The following AGBL1 variants were observed in gnomAD, a reference collection of about 807,000 sequenced individuals.
AGBL1 encodes the protein AGBL carboxypeptidase 1, also known as cytosolic carboxypeptidase 4.
In AGBL1, 130 loss-of-function variants were observed where a neutral mutation model predicts 118.9. That is an observed-to-expected ratio of 1.09 (90% CI 0.95 to 1.26). The LOEUF is 1.26. Among genes scored for constraint, AGBL1 ranks in the 50% most tolerant of loss-of-function variants. The probability of loss-of-function intolerance (pLI) is 0.00; values close to 1 mark genes in which losing one functional copy is unlikely to be tolerated. For synonymous variants in AGBL1, 555 were observed against 478.9 expected (o/e 1.16, Z -2.08); for missense variants, 1,584 against 1,298.1 (o/e 1.22, Z -3.38).
At chr15:86,833,506 A>C (rs77898637) in intron 22 of AGBL1, among the ~76,000 whole-genome samples, 4,370 of 152,022 alleles carry the variant, frequency 0.029, 192 homozygotes, top group African/African-American at 0.099. Flanking sequence ...GCCATGCAAA[A>C]CTTGCCTTTT....
chr15:86,397,618 G>A (rs1205957230), intron 18 of AGBL1, 72 bp downstream of exon 18: 35 of 1,427,176 alleles, frequency 2.5e-5, no homozygotes, highest in Non-Finnish European at 8.6e-6. Context: ...TCACCAAGTA[G>A]GCGTGATTGG....
intron 18 of AGBL1, among the ~76,000 whole-genome samples, chr15:86,407,134 A>C (rs1272196378): frequency 6.6e-6 from 1 of 152,150 alleles, no homozygotes; most frequent in Non-Finnish European, 1.5e-5. Flanking sequence ...TGTCAATCTG[A>C]TTGGATAAAC....
intron 22 of AGBL1, among the ~76,000 whole-genome samples, chr15:86,902,252 A>G (rs1428505379): frequency 6.6e-6 from 1 of 152,146 alleles, no homozygotes; most frequent in Non-Finnish European, 1.5e-5. Context: ...TGGCTCATCT[A>G]TCTCCTCTCC....
At chr15:86,858,860 C>G (rs1359984072) in intron 22 of AGBL1, among the ~76,000 whole-genome samples, 1 of 152,170 alleles carries the variant, frequency 6.6e-6, no homozygotes, top group African/African-American at 2.4e-5. Flanking sequence ...ACCACTGTGT[C>G]TTTCTTATCA....
chr15:86,191,251 G>C (rs537724331), intron 5 of AGBL1, among the ~76,000 whole-genome samples: 1 of 150,428 alleles, frequency 6.6e-6, no homozygotes, highest in Non-Finnish European at 1.5e-5. Context: ...GGGAGGCTGA[G>C]GCAGGAGAAT....
At chr15:86,972,914 A>T (rs1352799791) in intron 23 of AGBL1, among the ~76,000 whole-genome samples, 1 of 151,960 alleles carries the variant, frequency 6.6e-6, no homozygotes, top group East Asian at 1.9e-4. Flanking sequence ...CCCAGAATCA[A>T]ATTTCTGGAG....
rs1567242815 is a variant in AGBL1 at position 86,410,834 on chromosome 15, A to AT, written c.2555+13289dup. Among the ~76,000 whole-genome samples the AT allele has an allele frequency of 8.7e-4, 92 of 106,114 alleles. 2 individuals carry two copies. Among genetic ancestry groups the AT allele is most frequent in the African/African-American group, 3.6e-3 (87 of 23,946 alleles). 69.6% of individuals were successfully genotyped at this position (106,114 alleles called of 152,430 possible). ...TATATATATATATATATATATATAT[A>AT]TATATATAATATACTATTTTATATA... On this transcript the variant is annotated intron_variant, in intron 18 of 22. Coordinates refer to ENST00000614907, the MANE Select transcript of AGBL1 (RefSeq NM_001386094.1).
intron 18 of AGBL1, among the ~76,000 whole-genome samples, chr15:86,472,810 T>C (rs2082496097): frequency 6.6e-6 from 1 of 152,142 alleles, no homozygotes; most frequent in East Asian, 1.9e-4. Context: ...TCCCAGCTAC[T>C]TGGGAGGCTG....
intron 18 of AGBL1, among the ~76,000 whole-genome samples, chr15:86,401,778 T>C (rs891596604): frequency 1.3e-5 from 2 of 152,200 alleles, no homozygotes; most frequent in African/African-American, 4.8e-5. Context: ...GCTTTATTTC[T>C]GGATATTCTA....
At chr15:86,751,982 T>C (rs1170713469) in intron 22 of AGBL1, among the ~76,000 whole-genome samples, 2 of 152,132 alleles carry the variant, frequency 1.3e-5, no homozygotes, top group African/African-American at 4.8e-5. Flanking sequence ...TCTAAGTTGT[T>C]CTGGAATGAT....
intron 5 of AGBL1, among the ~76,000 whole-genome samples, chr15:86,177,370 T>A (rs1407526917): frequency 6.6e-6 from 1 of 152,152 alleles, no homozygotes; most frequent in Non-Finnish European, 1.5e-5. Flanking sequence ...TAACCCTTTC[T>A]GAATAATTGA....
intron 22 of AGBL1, among the ~76,000 whole-genome samples, chr15:86,897,567 A>G (rs1235021383): frequency 6.6e-6 from 1 of 151,452 alleles, no homozygotes; most frequent in Non-Finnish European, 1.5e-5. Context: ...TTTCATATTT[A>G]TTACATTTTT....
At chr15:86,422,161 A>G (rs1448951956) in intron 18 of AGBL1, among the ~76,000 whole-genome samples, 1 of 152,226 alleles carries the variant, frequency 6.6e-6, no homozygotes, top group Non-Finnish European at 1.5e-5. Flanking sequence ...TCAGCACTGC[A>G]TAGCACTTAA....
chr15:86,797,354 G>C (rs1161193236), intron 22 of AGBL1, among the ~76,000 whole-genome samples: 1 of 152,206 alleles, frequency 6.6e-6, no homozygotes, highest in Non-Finnish European at 1.5e-5. Flanking sequence ...AGGAGGCTGT[G>C]TCTTCATGCT....
At chr15:86,754,274 C>A (rs2077900405) in intron 22 of AGBL1, among the ~76,000 whole-genome samples, 1 of 152,102 alleles carries the variant, frequency 6.6e-6, no homozygotes, top group African/African-American at 2.4e-5. Flanking sequence ...TTTGTCTTTT[C>A]ATGCAGATAT....
rs533219121 is a variant in AGBL1 at position 86,954,947 on chromosome 15, C to T, written c.3222-33040C>T. On this transcript the variant is annotated intron_variant, in intron 23 of 24. Coordinates refer to the AGBL1 transcript ENST00000441037. ...ACATTAGTGGTTGCTTTAGAGTTCA[C>T]GTATCTTTACTTATATATCTTTAAC... Among the ~76,000 whole-genome samples, 120 of 152,196 alleles carry T rather than the reference C, an allele frequency of 7.9e-4. 1 individual carries two copies. The highest frequency in any genetic ancestry group is 1.4e-3 in the Non-Finnish European group (98 of 67,998).
chr15:86,651,719 T>C (rs1243641693), intron 21 of AGBL1, among the ~76,000 whole-genome samples: 1 of 152,190 alleles, frequency 6.6e-6, no homozygotes, highest in African/African-American at 2.4e-5. Flanking sequence ...GCTAATAAGT[T>C]CCAACTACTG....
chr15:86,281,615 C>T (rs987526782), intron 16 of AGBL1, among the ~76,000 whole-genome samples: 1 of 151,938 alleles, frequency 6.6e-6, no homozygotes, highest in African/African-American at 2.4e-5. Context: ...TCTAATTCAC[C>T]CTTAACGTTT....
At chr15:86,658,541 C>G (rs1183685673) in intron 21 of AGBL1, among the ~76,000 whole-genome samples, 2 of 152,134 alleles carry the variant, frequency 1.3e-5, no homozygotes, top group African/African-American at 4.8e-5. Flanking sequence ...AACTATCTAG[C>G]AAAATGAAAA....
Sources: allele counts gnomAD v4.1 joint callset (sites outside exome capture counted in the v4.1 genomes callset), GRCh38; gene constraint gnomAD v4.1.1; transcripts MANE v1.5; gene names NCBI Gene and HGNC (gene_info 2026-07-23, HGNC 2026-07-21).